Variants in EDIL3 observed in about 807,000 individuals in gnomAD.
EDIL3 encodes the protein EGF-like repeat and discoidin I-like domain-containing protein 3.
EDIL3 carries 37 observed loss-of-function variants against 67.4 expected under a neutral mutation model. That is an observed-to-expected ratio of 0.55 (90% confidence interval 0.42 to 0.72). The LOEUF (loss-of-function observed/expected upper bound fraction) is 0.72, where lower values mean the gene tolerates loss of function less well. EDIL3 is among the 30% of genes least tolerant of loss of function. The pLI, the probability that EDIL3 is intolerant of heterozygous loss-of-function variation, is 0.00. For missense variants in EDIL3, 527 were observed against 586.3 expected (o/e 0.90, Z 1.04); for synonymous variants, 195 against 196.3 (o/e 0.99, Z 0.05).
intron 9 of EDIL3, among the ~76,000 whole-genome samples, chr5:84,009,521 T>C (rs975183718): frequency 6.6e-6 from 1 of 152,054 alleles, no homozygotes; most frequent in Admixed American, 6.6e-5. Context: ...TAATTAACTA[T>C]AGAAAAAAAA....
chr5:84,299,611 AT>A, intron 1 of EDIL3, among the ~76,000 whole-genome samples: 1 of 152,214 alleles, frequency 6.6e-6, no homozygotes, highest in South Asian at 2.1e-4. Context: ...CAATTGTTTC[AT>A]TTTTGTGACT....
At chr5:84,076,840 T>C (rs1746866759) in intron 6 of EDIL3, among the ~76,000 whole-genome samples, 1 of 152,180 alleles carries the variant, frequency 6.6e-6, no homozygotes, top group South Asian at 2.1e-4. Flanking sequence ...TCAGTTGTTC[T>C]TTGAAGTAAA....
intron 2 of EDIL3, among the ~76,000 whole-genome samples, chr5:84,236,561 C>A (rs561641738): frequency 6.6e-5 from 10 of 152,188 alleles, no homozygotes; most frequent in African/African-American, 2.2e-4. Context: ...TCCCTTCTAA[C>A]CCCACTACCT....
intron 1 of EDIL3, among the ~76,000 whole-genome samples, chr5:84,296,548 AG>A (rs11306019): frequency 0.27 from 40,557 of 152,082 alleles, 6,181 homozygotes; most frequent in Non-Finnish European, 0.35. Flanking sequence ...CTAGTATACA[AG>A]TTATTCTTTA....
chr5:84,192,488 C>T (rs182506626), intron 3 of EDIL3, among the ~76,000 whole-genome samples: 1 of 152,070 alleles, frequency 6.6e-6, no homozygotes, highest in African/African-American at 2.4e-5. Context: ...TGCCTTTCTT[C>T]ACCTCCTCTT....
Position 84,131,499 on chromosome 5 carries a change from G to A in EDIL3, c.469+5742C>T, listed in dbSNP as rs112915046. 2.3e-3 allele frequency among the ~76,000 whole-genome samples: 354 copies of A among 152,282 alleles called. 2 individuals are homozygous for A. The highest frequency in any genetic ancestry group is 7.5e-3 in the African/African-American group (313 of 41,570). On this transcript the variant is annotated intron_variant, in intron 5 of 10. Transcript: ENST00000296591. ...CCTACAAAAAACAGGATCATATCAT[G>A]CTTAGGGCTGCAGGCTCTGCAACTG...
intron 6 of EDIL3, 127 bp downstream of exon 6, chr5:84,106,522 C>T (rs535283091): frequency 8.5e-7 from 1 of 1,179,576 alleles, no homozygotes; most frequent in South Asian, 2.2e-5. Context: ...GAACTCTTCA[C>T]TAAATTACCC....
At chr5:84,249,421 AT>A (rs1744978910) in intron 2 of EDIL3, among the ~76,000 whole-genome samples, 1 of 148,342 alleles carries the variant, frequency 6.7e-6, no homozygotes, top group African/African-American at 2.5e-5. Context: ...CTATCTATCT[AT>A]CTATCTATCA....
chr5:84,227,737 ACAGT>A, intron 3 of EDIL3, among the ~76,000 whole-genome samples: 1 of 152,240 alleles, frequency 6.6e-6, no homozygotes, highest in South Asian at 2.1e-4. Context: ...AGAATAATAT[ACAGT>A]CATGAAAAAG....
At chr5:84,321,262 T>C (rs1030342521) in intron 1 of EDIL3, among the ~76,000 whole-genome samples, 2 of 152,146 alleles carry the variant, frequency 1.3e-5, no homozygotes, top group Non-Finnish European at 2.9e-5. Context: ...AAAATATCTT[T>C]CATTTGTCTT....
In EDIL3 at chr5:83,985,996, G is replaced by A. The variant is rs186161348; in HGVS notation, c.1138-22636C>T. On this transcript the variant is annotated intron_variant, in intron 9 of 10. Transcript: ENST00000296591. Reference sequence around the variant, plus strand: ...TAAAATTTCCTATTACGAAGTACAGGGCTGCAATGTAGAACACAAAAATAA... The same window carrying A: ...TAAAATTTCCTATTACGAAGTACAGAGCTGCAATGTAGAACACAAAAATAA... Among the ~76,000 whole-genome samples the A allele has an allele frequency of 1.7e-3, 260 of 151,924 alleles. 1 individual carries two copies. Among genetic ancestry groups the A allele is most frequent in the African/African-American group, 5.8e-3 (240 of 41,482 alleles).
chr5:84,002,614 A>C (rs1745350440), intron 9 of EDIL3, among the ~76,000 whole-genome samples: 1 of 152,270 alleles, frequency 6.6e-6, no homozygotes, highest in Non-Finnish European at 1.5e-5. Context: ...ACAAACAAAA[A>C]TCAGTTGCAT....
At chr5:84,230,934 A>G (rs143657875) in intron 2 of EDIL3, among the ~76,000 whole-genome samples, 1 of 152,270 alleles carries the variant, frequency 6.6e-6, no homozygotes, top group East Asian at 1.9e-4. Flanking sequence ...ACATATGGAT[A>G]CACATAGACA....
intron 1 of EDIL3, among the ~76,000 whole-genome samples, chr5:84,325,124 A>T (rs749292516): frequency 9.9e-5 from 15 of 151,968 alleles, no homozygotes; most frequent in Admixed American, 2.0e-4. Context: ...AAGAAAAAAT[A>T]GACAAAATGA....
intron 1 of EDIL3, among the ~76,000 whole-genome samples, chr5:84,351,904 A>T (rs1434394281): frequency 2.0e-5 from 3 of 152,080 alleles, no homozygotes; most frequent in African/African-American, 7.2e-5. Context: ...AAGAAGGCTG[A>T]CATCCAGAAT....
chr5:83,962,713 T>C (rs1170028500), intron 10 of EDIL3, among the ~76,000 whole-genome samples: 1 of 151,524 alleles, frequency 6.6e-6, no homozygotes, highest in Non-Finnish European at 1.5e-5. Flanking sequence ...GTAATCAAAA[T>C]TGTTCTATTT....
intron 6 of EDIL3, among the ~76,000 whole-genome samples, chr5:84,078,156 T>G (rs545041638): frequency 2.6e-4 from 39 of 152,282 alleles, no homozygotes; most frequent in African/African-American, 8.9e-4. Flanking sequence ...TATTTTTCCC[T>G]GAAAAACTTT....
At chr5:84,099,603 A>G (rs1417089680) in intron 6 of EDIL3, among the ~76,000 whole-genome samples, 1 of 61,610 alleles carries the variant, frequency 1.6e-5, no homozygotes, top group East Asian at 3.0e-4. Flanking sequence ...ACTTAAACAT[A>G]AGACCTTAAA....
intron 4 of EDIL3, among the ~76,000 whole-genome samples, chr5:84,166,083 T>C (rs1051601533): frequency 6.6e-6 from 1 of 152,128 alleles, no homozygotes; most frequent in Non-Finnish European, 1.5e-5. Context: ...TTCCAAGTGA[T>C]TGATTTAAAC....
Sources: gnomAD v4.1 joint callset for allele counts (sites outside exome capture counted in the v4.1 genomes callset) on GRCh38, gnomAD v4.1.1 for gene constraint, MANE v1.5 for transcripts, NCBI Gene and HGNC (gene_info 2026-07-23, HGNC 2026-07-21) for gene names.